Variants in RORA observed in about 807,000 individuals in gnomAD.
RORA encodes the protein RAR related orphan receptor A, also known as nuclear receptor ROR-alpha.
Under a neutral mutation model 69.5 loss-of-function variants are expected in RORA, and 7 were observed. That is an observed-to-expected ratio of 0.10 (90% CI 0.06 to 0.19). RORA has a LOEUF of 0.19. Ranked by LOEUF, RORA falls within the 10% of genes least tolerant of loss-of-function variation. The pLI, the probability that RORA is intolerant of heterozygous loss-of-function variation, is 1.00. For synonymous variants in RORA, 261 were observed against 240.8 expected (o/e 1.08, Z -0.78); for missense variants, 457 against 663.0 (o/e 0.69, Z 3.41).
At chr15:61,137,338 C>G (rs2079255387) in intron 1 of RORA, among the ~76,000 whole-genome samples, 1 of 152,234 alleles carries the variant, frequency 6.6e-6, no homozygotes, top group South Asian at 2.1e-4. Flanking sequence ...CTCTAACTTT[C>G]ATTTTCTCTC....
chr15:60,945,737 G>A (rs1370590359), intron 1 of RORA, among the ~76,000 whole-genome samples: 1 of 152,294 alleles, frequency 6.6e-6, no homozygotes, highest in Non-Finnish European at 1.5e-5. Context: ...AACTCACAAT[G>A]GTACATATGC....
intron 1 of RORA, among the ~76,000 whole-genome samples, chr15:61,094,044 G>T (rs1256682546): frequency 6.6e-6 from 1 of 152,198 alleles, no homozygotes; most frequent in Non-Finnish European, 1.5e-5. Flanking sequence ...TGTCTCAGTT[G>T]TAGGACTTAG....
In RORA at chr15:60,489,040, A is replaced by C. The variant is rs1248595345; in HGVS notation, c.*8415T>G. 1 of 152,206 alleles carries C rather than the reference A, an allele frequency of 6.6e-6. No homozygotes were observed. Among genetic ancestry groups the C allele is most frequent in the Non-Finnish European group, 1.5e-5 (1 of 68,036 alleles). 9.4% of individuals were successfully genotyped at this position (152,206 alleles called of 1,614,324 possible). On this transcript the variant is annotated 3_prime_UTR_variant, in exon 11 of 11. Coordinates refer to ENST00000335670, the MANE Select transcript of RORA (RefSeq NM_134261.3). ...TGTCAAATGCTGACATGTGCTAGCC[A>C]TTGTGCAGACGCAAAAAGATACAAT...
At chr15:61,203,698 G>C (rs1596069954) in intron 1 of RORA, among the ~76,000 whole-genome samples, 1 of 152,276 alleles carries the variant, frequency 6.6e-6, no homozygotes, top group Non-Finnish European at 1.5e-5. Flanking sequence ...TCTTCACAAT[G>C]AACAAGCACA....
At chr15:61,111,675 T>A (rs1232872477) in intron 1 of RORA, among the ~76,000 whole-genome samples, 1 of 151,944 alleles carries the variant, frequency 6.6e-6, no homozygotes, top group South Asian at 2.1e-4. Context: ...TTTGTGAAAG[T>A]ATAAACCTTA....
intron 2 of RORA, among the ~76,000 whole-genome samples, chr15:60,623,462 C>A (rs528998157): frequency 6.6e-6 from 1 of 152,270 alleles, no homozygotes; most frequent in Admixed American, 6.5e-5. Context: ...GGCTGATATA[C>A]CCTAGGCACT....
intron 2 of RORA, among the ~76,000 whole-genome samples, chr15:60,561,875 A>C (rs184334933): frequency 6.6e-6 from 1 of 152,124 alleles, no homozygotes; most frequent in African/African-American, 2.4e-5. Context: ...TGCTGCCTCC[A>C]TTATCTTCAT....
chr15:61,157,900 AAT>A (rs1253300858), intron 1 of RORA, among the ~76,000 whole-genome samples: 1 of 152,168 alleles, frequency 6.6e-6, no homozygotes, highest in African/African-American at 2.4e-5. Flanking sequence ...AAAATTCCAT[AAT>A]ATGCAAAGCT....
rs749609004 is a variant in RORA at position 61,129,258 on chromosome 15, A to AT, written c.166+99794dup. 8.2e-4 allele frequency among the ~76,000 whole-genome samples: 125 copies of AT among 152,302 alleles called. 1 individual carries two copies. The highest frequency in any genetic ancestry group is 1.5e-3 in the Admixed American group (23 of 15,300). ...GGGTGCCATTTGTGATTCGAGAGGGATAAAAAAAAGAAATAGTAAAATACC... is the reference window on the plus strand; with the variant it reads ...GGGTGCCATTTGTGATTCGAGAGGGATTAAAAAAAAGAAATAGTAAAATACC... On this transcript the variant is annotated intron_variant, in intron 1 of 10. Coordinates refer to ENST00000335670, the MANE Select transcript of RORA (RefSeq NM_134261.3).
In RORA at chr15:60,701,832, G is replaced by A. The variant is rs1478480387; in HGVS notation, c.167-23146C>T. On this transcript the variant is annotated intron_variant, in intron 1 of 10. Transcript: ENST00000335670. ...AGTGATGAGGCAGTGTTTTAAAAGGGCTGTGAGGTTATCAGAGCCTGTTAC... is the reference window on the plus strand; with the variant it reads ...AGTGATGAGGCAGTGTTTTAAAAGGACTGTGAGGTTATCAGAGCCTGTTAC... Among the ~76,000 whole-genome samples the A allele has an allele frequency of 2.6e-5, 4 of 152,250 alleles. No homozygotes were observed. The East Asian group carries it at 7.7e-4, about 29-fold the overall frequency.
intron 2 of RORA, among the ~76,000 whole-genome samples, chr15:60,563,677 G>A (rs979813248): frequency 1.3e-5 from 2 of 152,100 alleles, no homozygotes; most frequent in African/African-American, 4.8e-5. Flanking sequence ...AGCTCTTATT[G>A]TTGTGCCCCA....
In RORA at chr15:61,227,339, A is replaced by G. The variant is rs185144593; in HGVS notation, c.166+1714T>C. Reference sequence around the variant, plus strand: ...GGGTCTAAATATACTCTTTGCAGCCAAAAGCTCCCCGCACACAAACTCACC... The same window carrying G: ...GGGTCTAAATATACTCTTTGCAGCCGAAAGCTCCCCGCACACAAACTCACC... On this transcript the variant is annotated intron_variant, in intron 1 of 10. Coordinates refer to ENST00000335670, the MANE Select transcript of RORA (RefSeq NM_134261.3). 2.4e-4 allele frequency among the ~76,000 whole-genome samples: 37 copies of G among 152,126 alleles called. No homozygotes were observed. In the East Asian group the frequency reaches 6.8e-3, roughly 28 times the overall value.
At chr15:61,208,404 G>A (rs1273826624) in intron 1 of RORA, among the ~76,000 whole-genome samples, 1 of 152,200 alleles carries the variant, frequency 6.6e-6, no homozygotes, top group Non-Finnish European at 1.5e-5. Context: ...CTAGGGCTAG[G>A]AAGGAGGAGT....
chr15:61,101,188 T>C (rs1328697553), intron 1 of RORA, among the ~76,000 whole-genome samples: 1 of 152,198 alleles, frequency 6.6e-6, no homozygotes, highest in Non-Finnish European at 1.5e-5. Context: ...ATTTAAAATA[T>C]ACGGAAGACA....
At chr15:60,695,003 A>C (rs144871306) in intron 1 of RORA, among the ~76,000 whole-genome samples, 1 of 152,152 alleles carries the variant, frequency 6.6e-6, no homozygotes, top group African/African-American at 2.4e-5. Context: ...CCCCCGGTTG[A>C]CTGCATAATT....
chr15:61,196,122 G>A (rs1410588941), intron 1 of RORA, among the ~76,000 whole-genome samples: 2 of 152,118 alleles, frequency 1.3e-5, no homozygotes, highest in African/African-American at 2.4e-5. Context: ...GTAAACCAAG[G>A]GTCACAATTC....
At chr15:60,720,261 A>G (rs1310616870) in intron 1 of RORA, among the ~76,000 whole-genome samples, 1 of 152,184 alleles carries the variant, frequency 6.6e-6, no homozygotes, top group African/African-American at 2.4e-5. Flanking sequence ...GGGCTGTGAT[A>G]CGGGAGCTAG....
chr15:60,654,420 C>T (rs182436834), intron 2 of RORA, among the ~76,000 whole-genome samples: 1 of 152,158 alleles, frequency 6.6e-6, no homozygotes, highest in African/African-American at 2.4e-5. Context: ...GGCAAGCAAG[C>T]AAGCAAACAG....
chr15:61,154,068 T>C (rs1489645760), intron 1 of RORA, among the ~76,000 whole-genome samples: 3 of 152,142 alleles, frequency 2.0e-5, no homozygotes, highest in African/African-American at 7.2e-5. Flanking sequence ...ATCCTTTCTA[T>C]ATTTCTCCTT....
Sources: gnomAD v4.1 joint callset for allele counts (sites outside exome capture counted in the v4.1 genomes callset) on GRCh38, gnomAD v4.1.1 for gene constraint, MANE v1.5 for transcripts, NCBI Gene and HGNC (gene_info 2026-07-23, HGNC 2026-07-21) for gene names.